KIF16B: variants seen among roughly 807,000 people sequenced by gnomAD.
KIF16B encodes the protein kinesin-like protein KIF16B.
KIF16B carries 98 observed loss-of-function variants against 156.3 expected under a neutral mutation model. That is an observed-to-expected ratio of 0.63 (90% CI 0.53 to 0.74). The LOEUF is 0.74. Among genes scored for constraint, KIF16B ranks in the 30% least tolerant of loss-of-function variants. The pLI is 0.00. For synonymous variants in KIF16B, 564 were observed against 583.7 expected, an observed-to-expected ratio of 0.97 and a Z score of 0.49; for missense variants, 1,421 against 1,606.5, an observed-to-expected ratio of 0.88 and a Z score of 1.97.
chr20:16,408,123 T>G (rs1220491071), intron 15 of KIF16B, among the ~76,000 whole-genome samples: 1 of 152,162 alleles, frequency 6.6e-6, no homozygotes, highest in African/African-American at 2.4e-5. Flanking sequence ...GCCTATTTGA[T>G]GTATTGTTTT....
intron 15 of KIF16B, among the ~76,000 whole-genome samples, chr20:16,422,349 C>T (rs577459935): frequency 6.6e-6 from 1 of 152,184 alleles, no homozygotes; most frequent in East Asian, 1.9e-4. Context: ...TACTGATTTT[C>T]TCACAGAAAA....
chr20:16,357,408 G>A (rs1015060282), intron 22 of KIF16B, among the ~76,000 whole-genome samples: 1 of 152,152 alleles, frequency 6.6e-6, no homozygotes, highest in African/African-American at 2.4e-5. Context: ...ATGGGGTAGA[G>A]TCAAGATTTA....
intron 24 of KIF16B, among the ~76,000 whole-genome samples, chr20:16,327,278 G>A (rs748189123): frequency 7.2e-5 from 11 of 151,834 alleles, no homozygotes; most frequent in Non-Finnish European, 7.4e-5. Context: ...AATGGACTTC[G>A]GGGACTCAGG....
chr20:16,366,031 A>T (rs2064657016), intron 22 of KIF16B, among the ~76,000 whole-genome samples: 1 of 151,570 alleles, frequency 6.6e-6, no homozygotes, highest in African/African-American at 2.4e-5. Flanking sequence ...GGTGAAATTA[A>T]AAACAAATAC....
Position 16,273,653 on chromosome 20 carries a change from G to T in KIF16B, c.3796-242C>A, listed in dbSNP as rs144773799. 2.9e-3 allele frequency among the ~76,000 whole-genome samples: 430 copies of T among 148,622 alleles called. 1 individual carries two copies. The highest frequency in any genetic ancestry group is 9.9e-3 in the African/African-American group (401 of 40,452). ...CACTCCTGCCTGGGTGATAAAGCAA[G>T]ACCCTGTCTCAATCAATCAATCAAT... On this transcript the variant is annotated intron_variant, in intron 25 of 25. Transcript: ENST00000354981.
Position 16,515,552 on chromosome 20 carries a change from T to C in KIF16B, c.344A>G (p.Asn115Ser). Reference protein sequence around the residue: ...GSGKSYTMMGNSGDSGLIPRI... With the variant: ...GSGKSYTMMGSSGDSGLIPRI... ...CACACAGTATAAACAACGTACAGAA[T>C]TTCCCATCATAGTGTATGACTTTCC... is the stretch of plus-strand genomic sequence containing the variant. The change falls in exon 4 of 26, where the codon AAT becomes AGT. Residue 115 changes from asparagine to serine, a missense_variant. Physicochemically the swap from Asn to Ser is conservative, Grantham distance 46. Coordinates refer to ENST00000354981, the MANE Select transcript of KIF16B (RefSeq NM_024704.5). The C allele has an allele frequency of 2.6e-6, 4 of 1,536,510 alleles. No homozygotes were observed. The highest frequency in any genetic ancestry group is 3.4e-4 in the Middle Eastern group (2 of 5,918).
At chr20:16,538,210 A>G (rs968539811) in intron 1 of KIF16B, among the ~76,000 whole-genome samples, 2 of 152,180 alleles carry the variant, frequency 1.3e-5, no homozygotes, top group African/African-American at 2.4e-5. Flanking sequence ...TCCACCAAGC[A>G]CAAGGGCACC....
intron 25 of KIF16B, among the ~76,000 whole-genome samples, chr20:16,279,901 T>C (rs537804436): frequency 2.6e-5 from 4 of 152,312 alleles, no homozygotes; most frequent in African/African-American, 9.6e-5. Context: ...CCTACAGCAA[T>C]ACAGAGTAAT....
rs372955634 is a variant in KIF16B, at chr20:16,312,339, A to G, written c.3791T>C (p.Leu1264Ser). ...ERVIAERRSH[L>S]EKYLRDFFSV... Reference sequence around the variant, plus strand: ...AAAACAGCTTAATTCTGTTACCTCTAAGTGACTTCGTCTCTCAGCAATCAC... The same window carrying G: ...AAAACAGCTTAATTCTGTTACCTCTGAGTGACTTCGTCTCTCAGCAATCAC... Residue 1264 changes from leucine (L) to serine (S), a missense_variant, in exon 25 of 26, where the codon TTA becomes TCA. Coordinates refer to ENST00000354981, the MANE Select transcript of KIF16B (RefSeq NM_024704.5). The G allele has an allele frequency of 6.2e-7, 1 of 1,611,256 alleles. No homozygotes were observed. Among genetic ancestry groups the G allele is most frequent in the Non-Finnish European group, 8.5e-7 (1 of 1,177,852 alleles).
At chr20:16,475,232 C>T (rs1297350586) in intron 12 of KIF16B, among the ~76,000 whole-genome samples, 1 of 152,162 alleles carries the variant, frequency 6.6e-6, no homozygotes, top group Non-Finnish European at 1.5e-5. Flanking sequence ...TTTAGTGTGC[C>T]AGGCACTGCT....
intron 1 of KIF16B, among the ~76,000 whole-genome samples, chr20:16,559,286 C>G (rs6044116): frequency 6.6e-6 from 1 of 152,090 alleles, no homozygotes; most frequent in Admixed American, 6.6e-5. Context: ...CCCAAATTGC[C>G]TATCCATAGT....
intron 21 of KIF16B, 121 bp from the exon 22 acceptor site, chr20:16,370,757 A>T: frequency 2.8e-6 from 2 of 708,806 alleles, no homozygotes; most frequent in Non-Finnish European, 4.5e-6. Context: ...GTCATTCAAC[A>T]ATGACAACCC....
intron 15 of KIF16B, among the ~76,000 whole-genome samples, chr20:16,422,886 ATATT>A (rs1411974099): frequency 6.6e-6 from 1 of 152,152 alleles, no homozygotes; most frequent in African/African-American, 2.4e-5. Context: ...AACTATCCTA[ATATT>A]TAAAGAAAAA....
intron 12 of KIF16B, among the ~76,000 whole-genome samples, chr20:16,459,671 G>A (rs138832473): frequency 9.5e-4 from 144 of 152,334 alleles, no homozygotes; most frequent in Non-Finnish European, 1.8e-3. Context: ...AAAATCAGCA[G>A]GTTGTCACTA....
In KIF16B at chr20:16,526,101, T is replaced by TATATGGTATATACAA. The variant is rs2069531531; in HGVS notation, c.221_222insTTGTATATACCATAT (p.Ser74_Gln75insCysIleTyrHisIle). 1 of 1,570,376 alleles carries TATATGGTATATACAA rather than the reference T, an allele frequency of 6.4e-7. No individual in the cohort carries two copies. The highest frequency in any genetic ancestry group is 1.2e-5 in the South Asian group (1 of 85,926). ...TGAAAATATCATATACCATTTCTTG[T>TATATGGTATATACAA]GAAACGTAATCTGGGCTTTTTGTAT... On this transcript the variant is annotated inframe_insertion, in exon 3 of 26. Transcript: ENST00000354981.
intron 4 of KIF16B, among the ~76,000 whole-genome samples, chr20:16,514,770 A>G (rs560987135): frequency 1.3e-5 from 2 of 150,780 alleles, no homozygotes; most frequent in East Asian, 2.0e-4. Flanking sequence ...GCACACCTGT[A>G]ATCTACTTGG....
chr20:16,438,357 A>C (rs2066704594), intron 12 of KIF16B, among the ~76,000 whole-genome samples: 1 of 152,146 alleles, frequency 6.6e-6, no homozygotes, highest in Non-Finnish European at 1.5e-5. Context: ...TTTGAGAGAG[A>C]CTATTAATAC....
intron 12 of KIF16B, among the ~76,000 whole-genome samples, chr20:16,467,693 G>T (rs966232476): frequency 6.8e-6 from 1 of 147,650 alleles, no homozygotes; most frequent in Middle Eastern, 3.5e-3. Flanking sequence ...AGCATAGAGT[G>T]AAACATTTAA....
intron 11 of KIF16B, among the ~76,000 whole-genome samples, chr20:16,496,197 A>G (rs757009533): frequency 6.6e-6 from 1 of 152,216 alleles, no homozygotes; most frequent in Admixed American, 6.5e-5. Context: ...GATGGGGAAA[A>G]GACTGGTGTA....
Sources: gnomAD v4.1 joint callset for allele counts (sites outside exome capture counted in the v4.1 genomes callset) on GRCh38, gnomAD v4.1.1 for gene constraint, MANE v1.5 for transcripts, NCBI Gene and HGNC (gene_info 2026-07-23, HGNC 2026-07-21) for gene names.